Variants in LITAF observed in about 807,000 individuals in gnomAD.
LITAF encodes the protein lipopolysaccharide-induced tumor necrosis factor-alpha factor.
Under a neutral mutation model 14.5 loss-of-function variants are expected in LITAF, and 9 were observed. The ratio of observed to expected loss-of-function variants is 0.62; its 90% CI spans 0.37 to 1.08. LITAF has a LOEUF of 1.08. Among genes scored for constraint, LITAF ranks in the 50% least tolerant of loss-of-function variants. The pLI is 0.01. For missense variants in LITAF, 206 were observed against 213.4 expected (o/e 0.97, Z 0.22); for synonymous variants, 98 against 88.2 (o/e 1.11, Z -0.62).
At chr16:11,639,463 GTGGATGGA>G (rs1419640873), upstream of LITAF, among the ~76,000 whole-genome samples, 27 of 146,578 alleles carry the variant, frequency 1.8e-4, 1 homozygote, top group South Asian at 5.6e-3. Context: ...GGATGGGTGG[GTGGATGGA>G]TGGATGGATG....
At chr16:11,570,882 C>T (rs764783730) in intron 1 of LITAF, among the ~76,000 whole-genome samples, 53 of 152,024 alleles carry the variant, frequency 3.5e-4, no homozygotes, top group Non-Finnish European at 5.9e-4. Flanking sequence ...TGCACCACTA[C>T]ACTCCAGCCT....
chr16:11,602,920 G>C (rs1032128903), upstream of LITAF, among the ~76,000 whole-genome samples: 1 of 151,956 alleles, frequency 6.6e-6, no homozygotes, highest in Admixed American at 6.6e-5. Flanking sequence ...AGACCAGCCT[G>C]GGCAACCCAG....
chr16:11,568,392 AT>A (rs1597344425), intron 1 of LITAF, among the ~76,000 whole-genome samples: 1 of 152,140 alleles, frequency 6.6e-6, no homozygotes, highest in East Asian at 1.9e-4. Context: ...ACCCCATCAA[AT>A]TCAGAAATAC....
intron 1 of LITAF, among the ~76,000 whole-genome samples, chr16:11,594,820 G>T (rs1033158194): frequency 6.6e-6 from 1 of 151,772 alleles, no homozygotes; most frequent in Non-Finnish European, 1.5e-5. Flanking sequence ...AGGCTGCAGT[G>T]AGCCAAGATC....
chr16:11,552,124 C>T (rs558920992), intron 3 of LITAF, among the ~76,000 whole-genome samples: 3 of 152,126 alleles, frequency 2.0e-5, no homozygotes, highest in Non-Finnish European at 4.4e-5. Context: ...TCCTTCTCAA[C>T]CTCAAGTCAC....
intron 1 of LITAF, among the ~76,000 whole-genome samples, chr16:11,593,826 T>C (rs1477319329): frequency 6.6e-6 from 1 of 152,162 alleles, no homozygotes; most frequent in African/African-American, 2.4e-5. Context: ...AGTGGATCCG[T>C]GCTGAAAGGA....
At chr16:11,585,593 C>A (rs1007905330) in intron 1 of LITAF, among the ~76,000 whole-genome samples, 1 of 152,146 alleles carries the variant, frequency 6.6e-6, no homozygotes, top group Non-Finnish European at 1.5e-5. Flanking sequence ...GCACTTCTCT[C>A]TGTAGGCATC....
intron 1 of LITAF, among the ~76,000 whole-genome samples, chr16:11,593,889 G>T (rs936685327): frequency 1.3e-5 from 2 of 152,134 alleles, no homozygotes; most frequent in Non-Finnish European, 2.9e-5. Context: ...TGATAACAAT[G>T]TTCTGGGCTG....
chr16:11,597,228 CT>C (rs755511822), intron 1 of LITAF, among the ~76,000 whole-genome samples: 44 of 152,260 alleles, frequency 2.9e-4, no homozygotes, highest in Non-Finnish European at 5.7e-4. Context: ...AACAAGTACC[CT>C]GTGACTTTGG....
At chr16:11,601,777 C>T (rs891853728), upstream of LITAF, among the ~76,000 whole-genome samples, 1 of 152,148 alleles carries the variant, frequency 6.6e-6, no homozygotes, top group African/African-American at 2.4e-5. Flanking sequence ...CCAGACTGGT[C>T]TCAAATTCCT....
rs1326821055 is a variant in LITAF at position 11,586,803 on chromosome 16, G to C, written c.-6+83C>G. On this transcript the variant is annotated intron_variant, in intron 1 of 3. Coordinates refer to ENST00000622633, the MANE Select transcript of LITAF (RefSeq NM_001136472.2). This position sits in a 1 kb window ranked among gnomAD's most constrained non-coding sequence, Gnocchi z 6.5. Reference sequence around the variant, plus strand: ...CCCCAGCCAAGGGCTCAGTGCCCGGGGCCCCCAGCAGGTGCTGGCGCCACC... The same window carrying C: ...CCCCAGCCAAGGGCTCAGTGCCCGGCGCCCCCAGCAGGTGCTGGCGCCACC... The C allele has an allele frequency of 1.3e-5, 2 of 151,760 alleles. No individual in the cohort carries two copies. Among genetic ancestry groups the C allele is most frequent in the African/African-American group, 4.8e-5 (2 of 41,328 alleles). The allele number at this position is 151,760 out of a possible 1,614,324, so 9.4% of individuals were successfully genotyped here.
intron 1 of LITAF, among the ~76,000 whole-genome samples, chr16:11,559,281 T>G (rs75510753): frequency 0.033 from 4,973 of 152,188 alleles, 109 homozygotes; most frequent in Middle Eastern, 0.054. Context: ...AATGAGCTAG[T>G]GTGAGTGAAG....
chr16:11,578,520 A>C (rs1001776953), intron 1 of LITAF, among the ~76,000 whole-genome samples: 2 of 152,192 alleles, frequency 1.3e-5, no homozygotes, highest in Non-Finnish European at 2.9e-5. Context: ...AACAAGAGCA[A>C]AACTCCATCT....
At position 11,553,883 on chromosome 16, in the gene LITAF, C is replaced by A; in HGVS notation, c.221-194G>T. 1 of 606,576 alleles carries A rather than the reference C, an allele frequency of 1.6e-6. No individual in the cohort carries two copies. Among genetic ancestry groups the A allele is most frequent in the Non-Finnish European group, 2.9e-6 (1 of 341,524 alleles). The allele number at this position is 606,576 out of a possible 1,614,324, so 37.6% of individuals were successfully genotyped here. A position where few individuals can be genotyped will look rare whatever the true frequency, so the allele number is the denominator to read the frequency against. ...GGAACACCAGTGTCCATCGACGGAC[C>A]AATAAACTAACACAGCGAAGTTTAT... On this transcript the variant is annotated intron_variant, in intron 2 of 3. Coordinates refer to ENST00000622633, the MANE Select transcript of LITAF (RefSeq NM_001136472.2). The surrounding 1 kb of genome is among the most constrained non-coding windows in gnomAD (Gnocchi z 7.7).
chr16:11,637,880 CA>C (rs374814538), upstream of LITAF, among the ~76,000 whole-genome samples: 120 of 37,896 alleles, frequency 3.2e-3, 18 homozygotes, highest in African/African-American at 5.9e-3. Flanking sequence ...GAACCTTCCT[CA>C]AAAAAAAAAA....
upstream of LITAF, among the ~76,000 whole-genome samples, chr16:11,590,055 G>T (rs1299519398): frequency 3.5e-5 from 4 of 113,136 alleles, 1 homozygote; most frequent in Non-Finnish European, 6.9e-5. Context: ...TACTCAAGAG[G>T]CTGAGGCAGA....
intron 1 of LITAF, among the ~76,000 whole-genome samples, chr16:11,570,517 T>C (rs893798438): frequency 1.3e-5 from 2 of 152,164 alleles, no homozygotes; most frequent in Non-Finnish European, 2.9e-5. Context: ...ACCCGCAGTG[T>C]GGGCGACAGA....
chr16:11,579,511 AAATAAAATAAAATAAAATAT>A lies in LITAF; in HGVS notation c.-6+7355_-6+7374del, dbSNP rs961771790. 4.7e-5 allele frequency among the ~76,000 whole-genome samples: 5 copies of A among 105,386 alleles called. 1 individual carries two copies. Among genetic ancestry groups the A allele is most frequent in the Admixed American group, 1.9e-4 (2 of 10,316 alleles). The allele number at this position is 105,386 out of a possible 152,430, so 69.1% of individuals were successfully genotyped here. A position where few individuals can be genotyped will look rare whatever the true frequency, so the allele number is the denominator to read the frequency against. On this transcript the variant is annotated intron_variant, in intron 1 of 3. Transcript: ENST00000622633. ...AAATAAAATAAAATAAAATAAAATAAAATAAAATAAAATAAAATATATCAATGCAATGTAGTACCCTAGGT... is the reference window on the plus strand; with the variant it reads ...AAATAAAATAAAATAAAATAAAATAAATCAATGCAATGTAGTACCCTAGGT...
At chr16:11,555,636 G>A (rs1441963583) in intron 2 of LITAF, among the ~76,000 whole-genome samples, 1 of 149,312 alleles carries the variant, frequency 6.7e-6, no homozygotes, top group African/African-American at 2.5e-5. Context: ...TCCAACCTGG[G>A]CAACATGGTG....
Sources: gnomAD v4.1 joint callset for allele counts (sites outside exome capture counted in the v4.1 genomes callset) on GRCh38, gnomAD v4.1.1 for gene constraint, Gnocchi (gnomAD v3.1) non-coding constraint, MANE v1.5 for transcripts, NCBI Gene and HGNC (gene_info 2026-07-23, HGNC 2026-07-21) for gene names.